MRC1: variants seen among roughly 807,000 people sequenced by gnomAD.
MRC1 encodes the protein macrophage mannose receptor 1.
Under a neutral mutation model 102.9 loss-of-function variants are expected in MRC1, and 62 were observed. The ratio of observed to expected loss-of-function variants is 0.60; its 90% CI spans 0.49 to 0.74. The LOEUF (loss-of-function observed/expected upper bound fraction) is 0.74, where lower values mean the gene tolerates loss of function less well. Among genes scored for constraint, MRC1 ranks in the 30% least tolerant of loss-of-function variants. MRC1 has a pLI of 0.00. For missense variants in MRC1, 1,237 were observed against 862.8 expected (o/e 1.43, Z -5.43); for synonymous variants, 457 against 298.4 (o/e 1.53, Z -5.48).
intron 6 of MRC1, among the ~76,000 whole-genome samples, chr10:17,848,029 A>T (rs1838852365): frequency 1.3e-5 from 2 of 151,526 alleles, no homozygotes; most frequent in Admixed American, 1.3e-4. Flanking sequence ...ACAGCATTTG[A>T]GCCTCATGAC....
At chr10:17,874,866 G>A (rs1431872309) in intron 16 of MRC1, among the ~76,000 whole-genome samples, 4 of 152,112 alleles carry the variant, frequency 2.6e-5, no homozygotes, top group African/African-American at 9.7e-5. Context: ...AACATAGCTG[G>A]GAATACAAAA....
At chr10:17,886,470 T>A (rs887310043) in intron 22 of MRC1, among the ~76,000 whole-genome samples, 5 of 151,982 alleles carry the variant, frequency 3.3e-5, no homozygotes, top group Non-Finnish European at 7.4e-5. Context: ...TGGCATGATC[T>A]CGGCTCACTG....
chr10:17,888,644 A>G (rs1447072743), intron 22 of MRC1, among the ~76,000 whole-genome samples: 2 of 152,088 alleles, frequency 1.3e-5, no homozygotes, highest in African/African-American at 4.8e-5. Flanking sequence ...TGTGTTTTCT[A>G]TTCTTTTAAA....
intron 4 of MRC1, among the ~76,000 whole-genome samples, chr10:17,836,993 T>C (rs1838674977): frequency 6.6e-6 from 1 of 152,146 alleles, no homozygotes; most frequent in Non-Finnish European, 1.5e-5. Context: ...AGAGCACAGG[T>C]TACTTTGTGC....
intron 13 of MRC1, 144 bp downstream of exon 13, chr10:17,870,517 T>C: frequency 1.4e-6 from 1 of 724,688 alleles, no homozygotes; most frequent in Admixed American, 2.1e-5. Context: ...GGGCCCTGTT[T>C]GATCTAGTTT....
intron 5 of MRC1, 126 bp downstream of exon 5, chr10:17,840,932 A>G: frequency 1.3e-6 from 1 of 748,418 alleles, no homozygotes; most frequent in Non-Finnish European, 2.5e-6. Flanking sequence ...AATACAGTTC[A>G]TTTCACCTTG....
chr10:17,817,243 G>A (rs1339857485), intron 1 of MRC1, among the ~76,000 whole-genome samples: 2 of 94,306 alleles, frequency 2.1e-5, no homozygotes, highest in Admixed American at 1.2e-4. Flanking sequence ...GAGTGACTCT[G>A]TCTCAAAAAA....
intron 15 of MRC1, among the ~76,000 whole-genome samples, chr10:17,873,016 GGTGGCCAGTT>G (rs1230344755): frequency 2.6e-5 from 4 of 152,250 alleles, no homozygotes; most frequent in Non-Finnish European, 4.4e-5. Flanking sequence ...AGAAGTCAGT[GGTGGCCAGTT>G]GTCCTTTAAT....
chr10:17,837,979 C>T (rs2130620780), intron 4 of MRC1, among the ~76,000 whole-genome samples: 1 of 152,094 alleles, frequency 6.6e-6, no homozygotes, highest in East Asian at 1.9e-4. Context: ...TGAAGAGCTA[C>T]TACATACTAG....
chr10:17,906,607 A>G (rs1316273225), intron 26 of MRC1, among the ~76,000 whole-genome samples: 1 of 152,192 alleles, frequency 6.6e-6, no homozygotes, highest in African/African-American at 2.4e-5. Flanking sequence ...CCACTGAACC[A>G]TAACTTTTGG....
chr10:17,836,045 G>T (rs1298841316), intron 4 of MRC1, among the ~76,000 whole-genome samples: 2 of 152,208 alleles, frequency 1.3e-5, no homozygotes, highest in African/African-American at 2.4e-5. Context: ...CTGTGAAACT[G>T]GGGGAGCTTG....
At chr10:17,837,747 T>A (rs1250866488) in intron 4 of MRC1, among the ~76,000 whole-genome samples, 1 of 151,900 alleles carries the variant, frequency 6.6e-6, no homozygotes, top group African/African-American at 2.4e-5. Flanking sequence ...GCTACAGGCA[T>A]GTGCCACCAA....
Position 17,841,042 on chromosome 10 carries a change from A to C in MRC1, c.916+236A>C, listed in dbSNP as rs531068976. ...GCCAGGATTCTCACACAAAACAATA[A>C]AGGTCTCTGTTTAAAGTTTCAGTTC... On this transcript the variant is annotated intron_variant, in intron 5 of 29. Coordinates refer to ENST00000569591, the MANE Select transcript of MRC1 (RefSeq NM_002438.4). Among the ~76,000 whole-genome samples the C allele has an allele frequency of 7.9e-5, 12 of 152,316 alleles. No individual in the cohort carries two copies. In the East Asian group the frequency reaches 2.1e-3, roughly 27 times the overall value.
chr10:17,869,121 T>C (rs995837759), intron 12 of MRC1, among the ~76,000 whole-genome samples: 329 of 152,274 alleles, frequency 2.2e-3, no homozygotes, highest in Non-Finnish European at 3.7e-3. Context: ...CAAATCAAAA[T>C]ATGTGCTTGA....
At chr10:17,836,071 G>A (rs868907468) in intron 4 of MRC1, among the ~76,000 whole-genome samples, 32 of 152,296 alleles carry the variant, frequency 2.1e-4, no homozygotes, top group Middle Eastern at 3.4e-3. Flanking sequence ...ATTTGCTGAG[G>A]CACCTGTGCT....
At chr10:17,828,451 C>T (rs1031091310) in intron 3 of MRC1, among the ~76,000 whole-genome samples, 6 of 151,356 alleles carry the variant, frequency 4.0e-5, no homozygotes, top group Non-Finnish European at 7.4e-5. Flanking sequence ...ATACTTAACA[C>T]GGGAGGTAGG....
At position 17,910,936 on chromosome 10, in the gene MRC1, C is replaced by T. The variant is rs969727135; in HGVS notation, c.*471C>T. 9.4e-5 allele frequency: 17 copies of T among 181,408 alleles called. No individual in the cohort carries two copies. Among genetic ancestry groups the T allele is most frequent in the African/African-American group, 3.6e-4 (15 of 41,670 alleles). 11.2% of individuals were successfully genotyped at this position (181,408 alleles called of 1,614,324 possible). A position where few individuals can be genotyped will look rare whatever the true frequency, so the allele number is the denominator to read the frequency against. ...TTTCTCTTTTACCAGTTTTTATTTCCACTCCAATTATTTAGAACTTTATTT... is the reference window on the plus strand; with the variant it reads ...TTTCTCTTTTACCAGTTTTTATTTCTACTCCAATTATTTAGAACTTTATTT... On this transcript the variant is annotated 3_prime_UTR_variant, in exon 30 of 30. Coordinates refer to ENST00000569591, the MANE Select transcript of MRC1 (RefSeq NM_002438.4).
rs1030569564 is a variant in MRC1 at position 17,823,902 on chromosome 10, A to G, written c.463+427A>G. On this transcript the variant is annotated intron_variant, in intron 2 of 29. Coordinates refer to ENST00000569591, the MANE Select transcript of MRC1 (RefSeq NM_002438.4). ...ATGATCCATAGAACATTCTTTCCCA[A>G]TTTAGATTGCCTAAGATGAAATCTC... 3.9e-5 allele frequency among the ~76,000 whole-genome samples: 6 copies of G among 152,330 alleles called. No individual in the cohort carries two copies. The South Asian group carries it at 1.2e-3, about 32-fold the overall frequency.
At chr10:17,895,469 A>G (rs1833741657) in intron 23 of MRC1, among the ~76,000 whole-genome samples, 1 of 152,098 alleles carries the variant, frequency 6.6e-6, no homozygotes, top group African/African-American at 2.4e-5. Context: ...AAATGTCAGA[A>G]TAGGAATACC....
Sources: gnomAD v4.1 joint callset for allele counts (sites outside exome capture counted in the v4.1 genomes callset) on GRCh38, gnomAD v4.1.1 for gene constraint, MANE v1.5 for transcripts, NCBI Gene and HGNC (gene_info 2026-07-23, HGNC 2026-07-21) for gene names.